The following NIPBL variants were observed in gnomAD, a reference collection of about 807,000 sequenced individuals.
NIPBL encodes the protein NIPBL cohesin loading factor, also known as nipped-B-like protein.
NIPBL carries 19 observed loss-of-function variants against 321.8 expected under a neutral mutation model. The ratio of observed to expected loss-of-function variants is 0.06; its 90% CI spans 0.04 to 0.09. The LOEUF (loss-of-function observed/expected upper bound fraction) is 0.09, where lower values mean the gene tolerates loss of function less well. Ranked by LOEUF, NIPBL falls within the 10% of genes least tolerant of loss-of-function variation. The pLI, the probability that NIPBL is intolerant of heterozygous loss-of-function variation, is 1.00. For synonymous variants in NIPBL, 1,106 were observed against 1,114.1 expected (o/e 0.99, Z 0.14); for missense variants, 2,210 against 3,327.0 (o/e 0.66, Z 8.26).
At chr5:37,026,065 TTAG>T (rs1295855310) in intron 30 of NIPBL, among the ~76,000 whole-genome samples, 161 bp from the exon 31 acceptor site, 4 of 152,164 alleles carry the variant, frequency 2.6e-5, no homozygotes, top group African/African-American at 9.7e-5. Context: ...TTTTGAGAAA[TTAG>T]TAGTTTTAGA....
At chr5:36,937,854 G>T (rs533783411) in intron 1 of NIPBL, among the ~76,000 whole-genome samples, 3 of 151,990 alleles carry the variant, frequency 2.0e-5, no homozygotes, top group East Asian at 1.9e-4. Flanking sequence ...TTTTATTTTC[G>T]ATATCAAAAT....
In NIPBL at chr5:36,956,626, T is replaced by TC. The variant is rs1740984840; in HGVS notation, c.230+989_230+990insC. On this transcript the variant is annotated intron_variant, in intron 3 of 46. Transcript: ENST00000282516. Reference sequence around the variant, plus strand: ...ATATCTAAATCACTTCTTTTTTTTTTTTTTTTTTTTTTTTTTGAGATGGAG... The same window carrying TC: ...ATATCTAAATCACTTCTTTTTTTTTTCTTTTTTTTTTTTTTTTGAGATGGAG... Among the ~76,000 whole-genome samples the TC allele has an allele frequency of 2.2e-5, 3 of 137,242 alleles. No individual in the cohort carries two copies. In the East Asian group the frequency reaches 6.2e-4, roughly 28 times the overall value. 90.0% of individuals were successfully genotyped at this position (137,242 alleles called of 152,430 possible). A position where few individuals can be genotyped will look rare whatever the true frequency, so the allele number is the denominator to read the frequency against.
At chr5:36,958,671 TTAAG>T (rs1215502672) in intron 4 of NIPBL, among the ~76,000 whole-genome samples, 3 of 152,034 alleles carry the variant, frequency 2.0e-5, no homozygotes, top group East Asian at 1.9e-4. Flanking sequence ...GAAAAATTGG[TTAAG>T]TATTATTATT....
At chr5:37,035,745 C>T (rs1346058393) in intron 32 of NIPBL, among the ~76,000 whole-genome samples, 2 of 152,234 alleles carry the variant, frequency 1.3e-5, no homozygotes, top group East Asian at 3.9e-4. Context: ...TAGATTCCTT[C>T]AATATCCCCA....
At chr5:36,944,287 T>C (rs1456704557) in intron 1 of NIPBL, among the ~76,000 whole-genome samples, 1 of 152,154 alleles carries the variant, frequency 6.6e-6, no homozygotes, top group East Asian at 1.9e-4. Flanking sequence ...TAGAGATCAG[T>C]ATGCAGATGA....
chr5:37,003,981 A>G (rs1747120521), intron 16 of NIPBL, among the ~76,000 whole-genome samples: 1 of 152,130 alleles, frequency 6.6e-6, no homozygotes, highest in African/African-American at 2.4e-5. Flanking sequence ...CTTTTTGTTG[A>G]GCTTCCCTGA....
intron 1 of NIPBL, among the ~76,000 whole-genome samples, chr5:36,946,357 G>A (rs745923090): frequency 1.3e-5 from 2 of 151,850 alleles, no homozygotes; most frequent in Non-Finnish European, 2.9e-5. Context: ...TCTCAGCCTT[G>A]TGAGATGAGT....
chr5:36,987,582 A>T (rs1347149657), intron 10 of NIPBL, among the ~76,000 whole-genome samples: 1 of 152,216 alleles, frequency 6.6e-6, no homozygotes, highest in East Asian at 1.9e-4. Flanking sequence ...TTATTCAAAG[A>T]ATGACTTGTG....
intron 1 of NIPBL, among the ~76,000 whole-genome samples, chr5:36,916,232 AGTTT>A (rs1748446344): frequency 6.6e-6 from 1 of 152,160 alleles, no homozygotes; most frequent in African/African-American, 2.4e-5. Context: ...TAGGTGTTTG[AGTTT>A]GTTTTTCTTA....
chr5:37,036,112 C>T (rs190589744), intron 32 of NIPBL, among the ~76,000 whole-genome samples: 5 of 151,980 alleles, frequency 3.3e-5, no homozygotes, highest in African/African-American at 9.6e-5. Context: ...TTAGGTCTTA[C>T]ACAGCAATTT....
chr5:36,885,868 A>C (rs1235533196), intron 1 of NIPBL: 5 of 721,400 alleles, frequency 6.9e-6, no homozygotes, highest in African/African-American at 1.7e-5. Context: ...AGGAAGTAAA[A>C]GGCCTACAAG....
chr5:37,035,129 C>T (rs972621994), intron 32 of NIPBL, among the ~76,000 whole-genome samples: 8 of 152,174 alleles, frequency 5.3e-5, no homozygotes, highest in African/African-American at 1.9e-4. Context: ...TCTCTACAAA[C>T]TGTACAAAAA....
chr5:37,011,213 C>T (rs1748079110), intron 21 of NIPBL, among the ~76,000 whole-genome samples: 1 of 152,010 alleles, frequency 6.6e-6, no homozygotes, highest in Non-Finnish European at 1.5e-5. Flanking sequence ...ACTGTTAGAG[C>T]CAAGCATATG....
At chr5:37,000,599 A>T in intron 12 of NIPBL, 29 bp downstream of exon 12, 1 of 1,604,220 alleles carries the variant, frequency 6.2e-7, no homozygotes, top group Non-Finnish European at 8.5e-7. Context: ...CGGATTTCTT[A>T]CATAAACCAA....
At chr5:36,951,934 G>T (rs867349459) in intron 1 of NIPBL, among the ~76,000 whole-genome samples, 4 of 151,564 alleles carry the variant, frequency 2.6e-5, no homozygotes, top group African/African-American at 9.7e-5. Flanking sequence ...ACAAAGACAA[G>T]ATAGTTAATA....
chr5:37,017,391 A>C (rs1749110913), intron 24 of NIPBL, among the ~76,000 whole-genome samples: 1 of 152,086 alleles, frequency 6.6e-6, no homozygotes. Context: ...CTTTTTGTGA[A>C]GTACTCTTAA....
In NIPBL at chr5:36,936,753, A is replaced by G. The variant is rs563045913; in HGVS notation, c.-79-16865A>G. ...CTGATTGATTAACCTCATCTTAATC[A>G]TGGGACAAAAACAAGCAGACTCCTC... On this transcript the variant is annotated intron_variant, in intron 1 of 46. Transcript: ENST00000282516. 7.9e-5 allele frequency among the ~76,000 whole-genome samples: 12 copies of G among 152,228 alleles called. No homozygotes were observed. The South Asian group carries it at 2.1e-3, about 26-fold the overall frequency.
intron 1 of NIPBL, among the ~76,000 whole-genome samples, chr5:36,910,422 G>A: frequency 6.6e-6 from 1 of 152,160 alleles, no homozygotes; most frequent in Admixed American, 6.5e-5. Context: ...CTTAGGCTCA[G>A]AATTTGTCAT....
rs1755185270 is a variant in NIPBL at position 37,064,447 on chromosome 5, T to TA, written c.8050-76dup. Reference sequence around the variant, plus strand: ...ATCCCAACTCCCGGCGTCAAGGGATTAAAAGCAATAAAAACAATAATTTCA... The same window carrying TA: ...ATCCCAACTCCCGGCGTCAAGGGATTAAAAAGCAATAAAAACAATAATTTCA... On this transcript the variant is annotated intron_variant, in intron 46 of 46. Coordinates refer to ENST00000282516, the MANE Select transcript of NIPBL (RefSeq NM_133433.4). 3.1e-6 allele frequency: 5 copies of TA among 1,594,550 alleles called. No individual in the cohort carries two copies. The South Asian group carries it at 4.4e-5, about 14-fold the overall frequency.
Sources: gnomAD v4.1 joint callset for allele counts (sites outside exome capture counted in the v4.1 genomes callset) on GRCh38, gnomAD v4.1.1 for gene constraint, MANE v1.5 for transcripts, NCBI Gene and HGNC (gene_info 2026-07-23, HGNC 2026-07-21) for gene names.